RO60: variants seen among roughly 807,000 people sequenced by gnomAD.
RO60 encodes Ro60, Y RNA binding protein.
RO60 carries 20 observed loss-of-function variants against 55.3 expected under a neutral mutation model. That is an observed-to-expected ratio of 0.36 (90% confidence interval 0.25 to 0.53). The LOEUF (loss-of-function observed/expected upper bound fraction) is 0.53. Ranked by LOEUF, RO60 falls within the 20% of genes least tolerant of loss-of-function variation. RO60 has a pLI of 0.92. For synonymous variants in RO60, 213 were observed against 213.6 expected, an observed-to-expected ratio of 1.00 and a Z score of 0.02; for missense variants, 558 against 646.6, an observed-to-expected ratio of 0.86 and a Z score of 1.49.
chr1:193,082,796 A>G, intron 8 of RO60, 88 bp downstream of exon 8: 1 of 1,156,014 alleles, frequency 8.7e-7, no homozygotes. Flanking sequence ...ACAGGACCTC[A>G]TTCTGTTGCC....
chr1:193,082,780 T>TC, intron 8 of RO60, 72 bp downstream of exon 8: 1 of 1,260,784 alleles, frequency 7.9e-7, no homozygotes, highest in Non-Finnish European at 1.1e-6. Flanking sequence ...TTTTTTTTTT[T>TC]TGGAGACAGG....
At chr1:193,079,789 T>C (rs1377754444) in intron 5 of RO60, among the ~76,000 whole-genome samples, 1 of 151,998 alleles carries the variant, frequency 6.6e-6, no homozygotes, top group Admixed American at 6.6e-5. Flanking sequence ...ATGGGCAAAG[T>C]ACTTGAATAG....
chr1:193,087,901 A>G lies in RO60; in HGVS notation c.*3170A>G, dbSNP rs1240984105. On this transcript the variant is annotated 3_prime_UTR_variant, in exon 9 of 9. Transcript: ENST00000400968. The stretch of plus-strand genomic sequence containing the variant: ...ATTTAGAAGAAAAATTTTCACAGCT[A>G]AAGTATTACCCAAAAAGTCACTATT... The G allele has an allele frequency of 6.6e-6, 1 of 152,164 alleles. No homozygotes were observed. Among genetic ancestry groups the G allele is most frequent in the Non-Finnish European group, 1.5e-5 (1 of 68,032 alleles). The allele number at this position is 152,164 out of a possible 1,614,324, so 9.4% of individuals were successfully genotyped here.
In RO60 at chr1:193,082,239, G is replaced by A. The variant is rs774201301; in HGVS notation, c.1257G>A (p.Met419Ile). ...ATGTAGTTGCTTTTTCCGATGAAATGGTACCATGTCCAGTGACTACAGATA... is the reference window on the plus strand; with the variant it reads ...ATGTAGTTGCTTTTTCCGATGAAATAGTACCATGTCCAGTGACTACAGATA... ...DSYVVAFSDE[M>I]VPCPVTTDMT... The change falls in exon 7 of 9, where the codon ATG becomes ATA. Residue 419 changes from methionine (M) to isoleucine (I), a missense_variant. By Grantham distance (10) the Met-to-Ile change is conservative (BLOSUM62 1). Coordinates refer to ENST00000400968, the MANE Select transcript of RO60 (RefSeq NM_001173524.2). 2 of 1,613,400 alleles carry A rather than the reference G, an allele frequency of 1.2e-6. No individual in the cohort carries two copies.
At chr1:193,076,351 C>A in intron 3 of RO60, 150 bp from the exon 4 acceptor site, 1 of 787,480 alleles carries the variant, frequency 1.3e-6, no homozygotes, top group Non-Finnish European at 1.9e-6. Context: ...TTTGATAAGC[C>A]TTTTACTTAG....
Position 193,076,609 on chromosome 1 carries a change from G to GT in RO60, c.911dup (p.Cys305MetfsTer2), listed in dbSNP as rs1467518269. ...ACCAGGAAATTCAGAAGTATCTTTA[G>GT]TATGTGAAAAACTGTGTAATGAAAA... On this transcript the variant is annotated frameshift_variant, in exon 4 of 9. Coordinates refer to ENST00000400968, the MANE Select transcript of RO60 (RefSeq NM_001173524.2). LOFTEE classifies it high-confidence loss of function. 6.2e-7 allele frequency: 1 copy of GT among 1,609,282 alleles called. No homozygotes were observed. The highest frequency in any genetic ancestry group is 1.7e-5 in the Admixed American group (1 of 58,964).
Position 193,081,365 on chromosome 1 carries a change from C to T in RO60, c.1088C>T (p.Thr363Ile). 1 of 1,577,378 alleles carries T rather than the reference C, an allele frequency of 6.3e-7. No homozygotes were observed. The highest frequency in any genetic ancestry group is 8.7e-7 in the Non-Finnish European group (1 of 1,150,038). ...LDAAFYKTFK[T>I]VEPTGKRFLL... ...ATGATTGTTTTGTTTTCTCTGTAGA[C>T]AGTTGAACCAACTGGAAAACGTTTC... Residue 363 changes from threonine (T) to isoleucine (I), a missense_variant and splice_region_variant, in exon 6 of 9, where the codon ACA (threonine) becomes ATA (isoleucine). Thr to Ile is a moderately conservative substitution (Grantham distance 89). Coordinates refer to ENST00000400968, the MANE Select transcript of RO60 (RefSeq NM_001173524.2).
In RO60 at chr1:193,082,236, A is replaced by T. The variant is rs765499406; in HGVS notation, c.1254A>T (p.Glu418Asp). Residue 418 changes from glutamate to aspartate, a missense_variant, in exon 7 of 9, where the codon GAA (glutamate) becomes GAT (aspartate). Coordinates refer to ENST00000400968, the MANE Select transcript of RO60 (RefSeq NM_001173524.2). Reference sequence around the variant, plus strand: ...CTTATGTAGTTGCTTTTTCCGATGAAATGGTACCATGTCCAGTGACTACAG... The same window carrying T: ...CTTATGTAGTTGCTTTTTCCGATGATATGGTACCATGTCCAGTGACTACAG... ...KDSYVVAFSDEMVPCPVTTDM... is the reference protein window; with the variant it reads ...KDSYVVAFSDDMVPCPVTTDM... 1.9e-6 allele frequency: 3 copies of T among 1,613,538 alleles called. No individual in the cohort carries two copies. The highest frequency in any genetic ancestry group is 2.5e-6 in the Non-Finnish European group (3 of 1,179,728).
intron 2 of RO60, among the ~76,000 whole-genome samples, chr1:193,074,427 T>C (rs1477609570): frequency 6.6e-6 from 1 of 152,204 alleles, no homozygotes; most frequent in East Asian, 1.9e-4. Flanking sequence ...ATGATCGTCA[T>C]TCTAACTGAT....
At chr1:193,060,041 T>C (rs746138673) in intron 1 of RO60, 13 of 1,343,784 alleles carry the variant, frequency 9.7e-6, no homozygotes, top group African/African-American at 5.9e-5. Context: ...CGCTCCTGCT[T>C]GTCGGCATCG....
In RO60 at chr1:193,069,601, T is replaced by G; in HGVS notation, c.547T>G (p.Leu183Val). 3 of 1,613,830 alleles carry G rather than the reference T, an allele frequency of 1.9e-6. No homozygotes were observed. Among genetic ancestry groups the G allele is most frequent in the Non-Finnish European group, 2.5e-6 (3 of 1,179,766 alleles). The change falls in exon 2 of 9, where the codon TTA becomes GTA. Residue 183 changes from leucine to valine, a missense_variant. Coordinates refer to ENST00000400968, the MANE Select transcript of RO60 (RefSeq NM_001173524.2). ...QRNGWSHKDL[L>V]RLSHLKPSSE... is the part of the protein sequence containing the mutation. ...AAATGGCTGGTCTCACAAAGATCTA[T>G]TAAGATTGTCACATCTTAAACCTTC...
At chr1:193,063,671 A>G (rs921423168) in intron 1 of RO60, among the ~76,000 whole-genome samples, 1 of 152,162 alleles carries the variant, frequency 6.6e-6, no homozygotes, top group Non-Finnish European at 1.5e-5. Flanking sequence ...TAGTTCTGGC[A>G]CTAGCTGCCC....
In RO60 at chr1:193,060,737, A is replaced by T. The variant is rs544732240; in HGVS notation, c.-22+961A>T. Among the ~76,000 whole-genome samples, 9 of 152,070 alleles carry T rather than the reference A, an allele frequency of 5.9e-5. No homozygotes were observed. The South Asian group carries it at 6.2e-4, about 11-fold the overall frequency. On this transcript the variant is annotated intron_variant, in intron 1 of 8. Coordinates refer to ENST00000400968, the MANE Select transcript of RO60 (RefSeq NM_001173524.2). ...TGTATGAAGTGTTGGTTTAAAAAAA[A>T]TTTTTTTTGTAACTTTCTTGAAGTT...
At chr1:193,076,759 A>T (rs756477686) in intron 4 of RO60, 112 bp downstream of exon 4, 1 of 1,347,500 alleles carries the variant, frequency 7.4e-7, no homozygotes, top group Non-Finnish European at 1.0e-6. Context: ...TCATTATACC[A>T]AATTGCATTA....
intron 2 of RO60, among the ~76,000 whole-genome samples, chr1:193,070,027 G>C (rs970380321): frequency 6.6e-6 from 1 of 151,446 alleles, no homozygotes; most frequent in Admixed American, 6.6e-5. Flanking sequence ...TTACTCATCA[G>C]ATATTCAAAC....
chr1:193,080,288 A>T (rs1212794979), intron 5 of RO60, among the ~76,000 whole-genome samples: 1 of 152,190 alleles, frequency 6.6e-6, no homozygotes, highest in African/African-American at 2.4e-5. Context: ...AGAAATTGGA[A>T]CCCTAGTGTA....
At chr1:193,061,597 G>A (rs1329063893) in intron 1 of RO60, among the ~76,000 whole-genome samples, 2 of 152,216 alleles carry the variant, frequency 1.3e-5, no homozygotes, top group African/African-American at 4.8e-5. Context: ...ATTATATAAT[G>A]TGTGTTACTA....
Position 193,069,143 on chromosome 1 carries a change from T to C in RO60, c.89T>C (p.Met30Thr). 1 of 1,614,160 alleles carries C rather than the reference T, an allele frequency of 6.2e-7. No individual in the cohort carries two copies. Among genetic ancestry groups the C allele is most frequent in the South Asian group, 1.1e-5 (1 of 91,088 alleles). Reference sequence around the variant, plus strand: ...GGATATGTATGGCAAGTCACTGACATGAATCGACTACACCGGTTCTTATGT... The same window carrying C: ...GGATATGTATGGCAAGTCACTGACACGAATCGACTACACCGGTTCTTATGT... ...QDGYVWQVTD[M>T]NRLHRFLCFG... is the part of the protein sequence containing the mutation. The change falls in exon 2 of 9, where the codon ATG (methionine) becomes ACG (threonine). Residue 30 changes from methionine to threonine, a missense_variant. Coordinates refer to ENST00000400968, the MANE Select transcript of RO60 (RefSeq NM_001173524.2).
At chr1:193,064,345 G>T (rs1672971731) in intron 1 of RO60, among the ~76,000 whole-genome samples, 1 of 152,124 alleles carries the variant, frequency 6.6e-6, no homozygotes, top group African/African-American at 2.4e-5. Context: ...CTACCTAGGG[G>T]CCCATGTTGC....
Sources: gnomAD v4.1 joint callset for allele counts (sites outside exome capture counted in the v4.1 genomes callset) on GRCh38, gnomAD v4.1.1 for gene constraint, MANE v1.5 for transcripts, NCBI Gene and HGNC (gene_info 2026-07-23, HGNC 2026-07-21) for gene names.